Variants in RTCA observed in about 807,000 individuals in gnomAD.
RTCA encodes RNA terminal phosphate cyclase domain 1.
A neutral mutation model predicts 46.1 loss-of-function variants in RTCA; 37 were observed. That is an observed-to-expected ratio of 0.80 (90% CI 0.62 to 1.06). RTCA has a LOEUF of 1.06. RTCA is among the 50% of genes least tolerant of loss of function. RTCA has a pLI of 0.00. For synonymous variants in RTCA, 164 were observed against 158.3 expected (o/e 1.04, Z -0.27); for missense variants, 435 against 455.5 (o/e 0.95, Z 0.41).
chr1:100,284,547 C>T (rs1666919578), intron 8 of RTCA, among the ~76,000 whole-genome samples: 1 of 152,126 alleles, frequency 6.6e-6, no homozygotes. Flanking sequence ...GCATGCACCA[C>T]CATGCCCAGC....
chr1:100,267,652 T>TG, intron 2 of RTCA: 1 of 873,876 alleles, frequency 1.1e-6, no homozygotes, highest in Non-Finnish European at 1.4e-6. Context: ...TATGTTCTAG[T>TG]TTTTTTTTTT....
chr1:100,266,344 G>T lies in RTCA; in HGVS notation c.-32G>T. Reference sequence around the variant, plus strand: ...TTTCTCCCGCTCTGGCGGAGGCTTTGTCGCTGCGGGCTGGGCCCCAGGGTG... The same window carrying T: ...TTTCTCCCGCTCTGGCGGAGGCTTTTTCGCTGCGGGCTGGGCCCCAGGGTG... On this transcript the variant is annotated 5_prime_UTR_variant, in exon 1 of 11. Transcript: ENST00000370128. 1 of 1,602,142 alleles carries T rather than the reference G, an allele frequency of 6.2e-7. No individual in the cohort carries two copies. The highest frequency in any genetic ancestry group is 2.2e-5 in the East Asian group (1 of 44,722).
intron 8 of RTCA, among the ~76,000 whole-genome samples, chr1:100,279,803 G>C (rs1482138936): frequency 6.6e-6 from 1 of 152,118 alleles, no homozygotes; most frequent in Non-Finnish European, 1.5e-5. Context: ...TTCTGTGTTT[G>C]AGCAAGCAAC....
rs759686169 is a variant in RTCA at position 100,266,591 on chromosome 1, A to G, written c.113A>G (p.Lys38Arg). 6.2e-7 allele frequency: 1 copy of G among 1,613,762 alleles called. No individual in the cohort carries two copies. The highest frequency in any genetic ancestry group is 8.5e-7 in the Non-Finnish European group (1 of 1,179,806). ...CLLGLPLRVQ[K>R]IRAGRSTPGL... ...CTAGGCCTCCCCTTGCGGGTGCAGA[A>G]GATCCGAGCCGGCCGGAGCACGCCA... Residue 38 changes from lysine (K) to arginine (R), a missense_variant, in exon 2 of 11, where the codon AAG (lysine) becomes AGG (arginine). Lys to Arg is a conservative substitution (Grantham distance 26). Coordinates refer to ENST00000370128, the MANE Select transcript of RTCA (RefSeq NM_003729.4).
In RTCA at chr1:100,287,500, G is replaced by A. The variant is rs955878252; in HGVS notation, c.999+297G>A. Among the ~76,000 whole-genome samples the A allele has an allele frequency of 2.6e-5, 4 of 152,204 alleles. No individual in the cohort carries two copies. The East Asian group carries it at 7.7e-4, about 29-fold the overall frequency. On this transcript the variant is annotated intron_variant, in intron 10 of 10. Transcript: ENST00000370128. ...AGAGCTGAGCTTTGAGCAAACCTGG[G>A]AAAGCATACTTCAAAACCCATGTTA... is the stretch of plus-strand genomic sequence containing the variant.
intron 7 of RTCA, 149 bp downstream of exon 7, chr1:100,275,872 G>A (rs1217579759): frequency 5.8e-6 from 4 of 685,518 alleles, no homozygotes; most frequent in Middle Eastern, 4.7e-4. Flanking sequence ...GTCTCGCTCT[G>A]TTGTCCAGGC....
At chr1:100,280,807 A>C (rs1666666677) in intron 8 of RTCA, among the ~76,000 whole-genome samples, 1 of 152,146 alleles carries the variant, frequency 6.6e-6, no homozygotes, top group Non-Finnish European at 1.5e-5. Flanking sequence ...TTCAAGACCA[A>C]TCTGGGCAAC....
intron 9 of RTCA, among the ~76,000 whole-genome samples, chr1:100,286,475 A>C (rs1194482305): frequency 6.6e-6 from 1 of 150,540 alleles, no homozygotes; most frequent in South Asian, 2.1e-4. Context: ...AAAAAAAAAA[A>C]ACGAAAAACA....
chr1:100,267,773 C>G (rs1665872458), intron 2 of RTCA, among the ~76,000 whole-genome samples: 1 of 151,918 alleles, frequency 6.6e-6, no homozygotes, highest in Non-Finnish European at 1.5e-5. Context: ...GGGTTACAGT[C>G]TCAGCATATT....
chr1:100,274,386 A>G (rs1395611858), intron 5 of RTCA, among the ~76,000 whole-genome samples: 2 of 152,244 alleles, frequency 1.3e-5, no homozygotes, highest in African/African-American at 4.8e-5. Flanking sequence ...TGTGCCAGAC[A>G]TTGTTTTAGG....
intron 3 of RTCA, 91 bp downstream of exon 3, chr1:100,268,386 T>C: frequency 9.5e-7 from 1 of 1,057,536 alleles, no homozygotes; most frequent in Non-Finnish European, 1.3e-6. Flanking sequence ...TCTATGAGCT[T>C]GTTTCCCTAC....
chr1:100,271,317 A>G (rs1666079164), intron 4 of RTCA, among the ~76,000 whole-genome samples: 1 of 152,024 alleles, frequency 6.6e-6, no homozygotes, highest in Non-Finnish European at 1.5e-5. Flanking sequence ...AAAACACTAC[A>G]CACAGAAAAA....
intron 9 of RTCA, 72 bp from the exon 10 acceptor site, chr1:100,287,027 T>C (rs1214022245): frequency 3.0e-5 from 30 of 998,642 alleles, no homozygotes; most frequent in Non-Finnish European, 4.3e-5. Flanking sequence ...ATTTTTATTA[T>C]GGGCAGCAGT....
rs1666445210 is a variant in RTCA at position 100,277,282 on chromosome 1, C to T, written c.765C>T (p.Gly255=). The T allele has an allele frequency of 6.2e-7, 1 of 1,612,346 alleles. No individual in the cohort carries two copies. Among genetic ancestry groups the T allele is most frequent in the Non-Finnish European group, 8.5e-7 (1 of 1,179,352 alleles). ...GIIIIAETST[G]CLFAGSSLGK... Reference sequence around the variant, plus strand: ...GAATTATTGCTGAGACCTCCACTGGCTGTTTGTTTGCTGGATCATCGCTTG... The same window carrying T: ...GAATTATTGCTGAGACCTCCACTGGTTGTTTGTTTGCTGGATCATCGCTTG... The change falls in exon 8 of 11, where the codon GGC becomes GGT. Residue 255 remains glycine, a synonymous_variant. Coordinates refer to ENST00000370128, the MANE Select transcript of RTCA (RefSeq NM_003729.4).
In RTCA at chr1:100,266,230, C is replaced by T. The variant is rs1346833455; in HGVS notation, c.-146C>T. ...CTGCTGACTCCAGTGTCCCGAGAGG[C>T]GCCGCTTCTTCCGCTTTCTCGTCAG... is the stretch of plus-strand genomic sequence containing the variant. On this transcript the variant is annotated 5_prime_UTR_variant, in exon 1 of 11. Transcript: ENST00000370128. The T allele has an allele frequency of 1.4e-5, 13 of 941,384 alleles. No individual in the cohort carries two copies. Among genetic ancestry groups the T allele is most frequent in the African/African-American group, 1.7e-5 (1 of 60,132 alleles). 58.3% of individuals were successfully genotyped at this position (941,384 alleles called of 1,614,324 possible). A position where few individuals can be genotyped will look rare whatever the true frequency, so the allele number is the denominator to read the frequency against.
At position 100,268,269 on chromosome 1, in the gene RTCA, C is replaced by G; in HGVS notation, c.264C>G (p.Ile88Met). Residue 88 changes from isoleucine (I) to methionine (M), a missense_variant, in exon 3 of 11, where the codon ATC becomes ATG. By Grantham distance (10) the Ile-to-Met change is conservative. Transcript: ENST00000370128. ...CACCAGAGAAGATCAAAGGTGGAAT[C>G]CACACAGCAGATACCAAGACAGCAG... ...TFTPEKIKGG[I>M]HTADTKTAGS... is the part of the protein sequence containing the mutation. The G allele has an allele frequency of 1.2e-6, 2 of 1,613,752 alleles. No individual in the cohort carries two copies. Among genetic ancestry groups the G allele is most frequent in the Non-Finnish European group, 1.7e-6 (2 of 1,179,828 alleles).
rs1035374266 is a variant in RTCA at position 100,266,418 on chromosome 1, G to A, written c.43G>A (p.Gly15Arg). ...RVEVDGSIMEGGGQILRVSTA... is the reference protein window; with the variant it reads ...RVEVDGSIMERGGQILRVSTA... ...GGAGGTCGATGGCAGCATCATGGAA[G>A]GGGTGAGTACAGAGCGAAGCGGCCG... The change falls in exon 1 of 11, where the codon GGG becomes AGG. Residue 15 changes from glycine to arginine, a missense_variant and splice_region_variant. Gly to Arg is a moderately radical substitution (Grantham distance 125). Transcript: ENST00000370128. 4.3e-6 allele frequency: 7 copies of A among 1,612,408 alleles called. No individual in the cohort carries two copies. Among genetic ancestry groups the A allele is most frequent in the East Asian group, 4.5e-5 (2 of 44,752 alleles).
rs763674293 is a variant in RTCA, at chr1:100,270,577, A to G, written c.311A>G (p.Gln104Arg). The G allele has an allele frequency of 1.2e-6, 2 of 1,614,078 alleles. No individual in the cohort carries two copies. Among genetic ancestry groups the G allele is most frequent in the South Asian group, 2.2e-5 (2 of 91,076 alleles). ...CTTAGGAGTGTGTGCCTCTTGATGCAGGTCTCAATGCCGTGTGTTCTCTTT... is the reference window on the plus strand; with the variant it reads ...CTTAGGAGTGTGTGCCTCTTGATGCGGGTCTCAATGCCGTGTGTTCTCTTT... ...KTAGSVCLLM[Q>R]VSMPCVLFAA... The change falls in exon 4 of 11, where the codon CAG (glutamine) becomes CGG (arginine). Residue 104 changes from glutamine (Q) to arginine (R), a missense_variant. Coordinates refer to ENST00000370128, the MANE Select transcript of RTCA (RefSeq NM_003729.4).
At chr1:100,272,787 A>G (rs1416412551) in intron 4 of RTCA, among the ~76,000 whole-genome samples, 1 of 152,212 alleles carries the variant, frequency 6.6e-6, no homozygotes, top group Non-Finnish European at 1.5e-5. Context: ...CAATATTGCA[A>G]AGTTCAGCTA....
Sources: allele counts gnomAD v4.1 joint callset (sites outside exome capture counted in the v4.1 genomes callset), GRCh38; gene constraint gnomAD v4.1.1; transcripts MANE v1.5; gene names NCBI Gene and HGNC (gene_info 2026-07-23, HGNC 2026-07-21).